The following SNCAIP variants were observed in gnomAD, a reference collection of about 807,000 sequenced individuals.
SNCAIP encodes synuclein alpha interacting protein, also known as synphilin-1.
A neutral mutation model predicts 86.7 loss-of-function variants in SNCAIP; 43 were observed. The ratio of observed to expected loss-of-function variants is 0.50; its 90% CI spans 0.39 to 0.64. The LOEUF (loss-of-function observed/expected upper bound fraction) is 0.64. Ranked by LOEUF, SNCAIP falls within the 30% of genes least tolerant of loss-of-function variation. SNCAIP has a pLI of 0.00. For missense variants in SNCAIP, 981 were observed against 1,103.1 expected (o/e 0.89, Z 1.57); for synonymous variants, 417 against 427.2 (o/e 0.98, Z 0.29).
intron 3 of SNCAIP, among the ~76,000 whole-genome samples, chr5:122,417,069 A>C (rs929243678): frequency 1.3e-5 from 2 of 152,198 alleles, no homozygotes; most frequent in African/African-American, 4.8e-5. Context: ...CTAATTTTCT[A>C]ATACGGACAC....
intron 1 of SNCAIP, among the ~76,000 whole-genome samples, chr5:122,361,269 C>G (rs1041153353): frequency 6.6e-6 from 1 of 151,018 alleles, no homozygotes; most frequent in Non-Finnish European, 1.5e-5. Context: ...TATGAAGTAT[C>G]TGTCACACCT....
At chr5:122,384,147 C>T (rs556769864) in intron 1 of SNCAIP, among the ~76,000 whole-genome samples, 2 of 152,260 alleles carry the variant, frequency 1.3e-5, no homozygotes, top group South Asian at 4.1e-4. Flanking sequence ...CAAAGACACA[C>T]CCATGATTCA....
At chr5:122,365,126 C>G (rs1440172821) in intron 1 of SNCAIP, among the ~76,000 whole-genome samples, 2 of 152,164 alleles carry the variant, frequency 1.3e-5, no homozygotes, top group Non-Finnish European at 2.9e-5. Flanking sequence ...TATTTAATCC[C>G]ATTTAGCTTA....
chr5:122,460,583 C>G (rs1019659619), intron 10 of SNCAIP, among the ~76,000 whole-genome samples: 1 of 152,038 alleles, frequency 6.6e-6, no homozygotes, highest in Admixed American at 6.6e-5. Flanking sequence ...GCTTCCTCTT[C>G]CTCCCACCCC....
At chr5:122,317,648 C>T (rs1490375407) in intron 1 of SNCAIP, among the ~76,000 whole-genome samples, 1 of 152,000 alleles carries the variant, frequency 6.6e-6, no homozygotes, top group Non-Finnish European at 1.5e-5. Context: ...CTCTTCTAAA[C>T]CATATAACCT....
chr5:122,353,795 C>T (rs1461135730), intron 1 of SNCAIP, among the ~76,000 whole-genome samples: 6 of 152,014 alleles, frequency 3.9e-5, no homozygotes, highest in Non-Finnish European at 8.8e-5. Context: ...CTTTTTCTTC[C>T]CAGTCTCGGG....
intron 1 of SNCAIP, among the ~76,000 whole-genome samples, chr5:122,377,704 A>G (rs1046578275): frequency 3.9e-5 from 4 of 103,120 alleles, no homozygotes; most frequent in African/African-American, 1.6e-4. Context: ...CCCACCCCAC[A>G]ACAGTCCCCA....
intron 2 of SNCAIP, among the ~76,000 whole-genome samples, chr5:122,393,706 C>A (rs886786638): frequency 1.3e-5 from 2 of 152,266 alleles, no homozygotes; most frequent in African/African-American, 2.4e-5. Flanking sequence ...TTGTCTAGCC[C>A]AAAATGTCAG....
intron 1 of SNCAIP, among the ~76,000 whole-genome samples, chr5:122,375,515 G>T (rs1765127633): frequency 6.7e-6 from 1 of 149,836 alleles, no homozygotes. Context: ...ATAGACCTGG[G>T]ATTTATTATA....
At chr5:122,335,167 C>T (rs1039374540) in intron 1 of SNCAIP, among the ~76,000 whole-genome samples, 8 of 151,890 alleles carry the variant, frequency 5.3e-5, no homozygotes, top group Non-Finnish European at 7.4e-5. Context: ...GACATTTTAG[C>T]GTTTATCTTT....
intron 3 of SNCAIP, among the ~76,000 whole-genome samples, chr5:122,414,348 A>T (rs1169893872): frequency 6.6e-6 from 1 of 151,226 alleles, no homozygotes; most frequent in African/African-American, 2.4e-5. Flanking sequence ...CTCCTGCCTC[A>T]GCCTCCTGAG....
In SNCAIP at chr5:122,391,129, A is replaced by G; in HGVS notation, c.-6A>G. 1 of 1,608,586 alleles carries G rather than the reference A, an allele frequency of 6.2e-7. No homozygotes were observed. Among genetic ancestry groups the G allele is most frequent in the Non-Finnish European group, 8.5e-7 (1 of 1,174,964 alleles). On this transcript the variant is annotated 5_prime_UTR_variant, in exon 2 of 11. Transcript: ENST00000261368. ...TGACCGTACTCAAAATGTGCAAGGA[A>G]GAATAATGGAAGCCCCTGAATACCT...
intron 1 of SNCAIP, among the ~76,000 whole-genome samples, chr5:122,365,261 A>C (rs573231471): frequency 9.8e-5 from 15 of 152,286 alleles, no homozygotes; most frequent in Admixed American, 5.2e-4. Context: ...AAAATGCCGT[A>C]TGTCTTATGT....
In SNCAIP at chr5:122,317,109, A is replaced by G. The variant is rs370762841; in HGVS notation, c.-47+4825A>G. Among the ~76,000 whole-genome samples the G allele has an allele frequency of 1.6e-4, 24 of 152,262 alleles. No homozygotes were observed. In the South Asian group the frequency reaches 4.6e-3, roughly 29 times the overall value. ...CATTATAAGTGTAGAGTTTGCTATA[A>G]AGTCCCTAAGTGCCTTTTGTAGACT... On this transcript the variant is annotated intron_variant, in intron 1 of 10. Transcript: ENST00000261368.
chr5:122,347,873 C>T (rs1281265466), intron 1 of SNCAIP, among the ~76,000 whole-genome samples: 1 of 151,866 alleles, frequency 6.6e-6, no homozygotes, highest in Non-Finnish European at 1.5e-5. Flanking sequence ...CTGATTTTTC[C>T]CCTGATAACG....
chr5:122,321,711 C>T (rs1049056428), intron 1 of SNCAIP: 1 of 152,234 alleles, frequency 6.6e-6, no homozygotes, highest in Non-Finnish European at 1.5e-5. Flanking sequence ...TGCTCCCTGG[C>T]TCTGTTCCCC....
intron 1 of SNCAIP, among the ~76,000 whole-genome samples, chr5:122,344,832 T>G (rs964550686): frequency 2.6e-5 from 4 of 152,326 alleles, no homozygotes; most frequent in Admixed American, 1.3e-4. Context: ...CTCCCCAAAT[T>G]TAACCAGTTA....
In SNCAIP at chr5:122,425,513, A is replaced by G. The variant is rs138802192; in HGVS notation, c.1164A>G (p.Pro388=). ...AGCGCAACACTGAGAAGTTGACTCC[A>G]GCAGGCCTGGCCATTAAGGTGACTG... ...LNERNTEKLT[P]AGLAIKNGQL... The change falls in exon 5 of 11, where the codon CCA becomes CCG. Residue 388 remains proline (P), a synonymous_variant. Transcript: ENST00000261368. 21 of 1,614,118 alleles carry G rather than the reference A, an allele frequency of 1.3e-5. No individual in the cohort carries two copies. In the African/African-American group the frequency reaches 2.8e-4, roughly 22 times the overall value.
In SNCAIP at chr5:122,328,032, G is replaced by C. The variant is rs149310284; in HGVS notation, c.-47+15748G>C. Among the ~76,000 whole-genome samples the C allele has an allele frequency of 2.3e-3, 356 of 152,274 alleles. 2 individuals carry two copies. Among genetic ancestry groups the C allele is most frequent in the African/African-American group, 8.0e-3 (332 of 41,552 alleles). On this transcript the variant is annotated intron_variant, in intron 1 of 10. Transcript: ENST00000261368. ...TAGGGGACAGTGTTGGGATTAGACAGAACTTGGGAAACTAGATATAAGTAT... is the reference window on the plus strand; with the variant it reads ...TAGGGGACAGTGTTGGGATTAGACACAACTTGGGAAACTAGATATAAGTAT...
Sources: allele counts gnomAD v4.1 joint callset (sites outside exome capture counted in the v4.1 genomes callset), GRCh38; gene constraint gnomAD v4.1.1; transcripts MANE v1.5; gene names NCBI Gene and HGNC (gene_info 2026-07-23, HGNC 2026-07-21).